ITK: variants seen among roughly 807,000 people sequenced by gnomAD.
ITK encodes the protein IL2 inducible T cell kinase, also known as tyrosine-protein kinase ITK/TSK.
A neutral mutation model predicts 87.6 loss-of-function variants in ITK; 45 were observed. The observed-to-expected ratio is 0.51, with a 90% CI of 0.40 to 0.66. The LOEUF is 0.66. Ranked by LOEUF, ITK falls within the 30% of genes least tolerant of loss-of-function variation. The pLI, the probability that ITK is intolerant of heterozygous loss-of-function variation, is 0.00. For missense variants in ITK, 605 were observed against 766.3 expected (o/e 0.79, Z 2.48); for synonymous variants, 303 against 273.6 (o/e 1.11, Z -1.06).
chr5:157,246,104 T>C lies in ITK; in HGVS notation c.1633+105T>C, dbSNP rs575819303. 1.1e-3 allele frequency: 927 copies of C among 837,998 alleles called. 1 individual carries two copies. The highest frequency in any genetic ancestry group is 1.8e-3 in the Non-Finnish European group (844 of 476,460). 51.9% of individuals were successfully genotyped at this position (837,998 alleles called of 1,614,324 possible). ...TACCCACACTGAACCCTGTATCATA[T>C]CATGAGGGTGTCCCACTGGAGGGTT... On this transcript the variant is annotated intron_variant, in intron 15 of 16. Transcript: ENST00000422843.
At chr5:157,210,506 G>C (rs1196941311) in intron 2 of ITK, among the ~76,000 whole-genome samples, 1 of 150,316 alleles carries the variant, frequency 6.7e-6, no homozygotes, top group Non-Finnish European at 1.5e-5. Context: ...TTAGTTAACA[G>C]TATTGTACCA....
At chr5:157,183,939 T>C (rs1753591767) in intron 1 of ITK, among the ~76,000 whole-genome samples, 1 of 152,222 alleles carries the variant, frequency 6.6e-6, no homozygotes, top group African/African-American at 2.4e-5. Flanking sequence ...ATTGTCATTA[T>C]AATACTAATT....
intron 1 of ITK, among the ~76,000 whole-genome samples, chr5:157,186,682 A>AG (rs1753649703): frequency 6.7e-5 from 10 of 148,550 alleles, no homozygotes; most frequent in Admixed American, 1.3e-4. Context: ...GTCTCAAAAA[A>AG]AGAGAGAGAG....
chr5:157,213,184 G>A (rs80178781), intron 3 of ITK, among the ~76,000 whole-genome samples: 1 of 152,160 alleles, frequency 6.6e-6, no homozygotes, highest in Admixed American at 6.5e-5. Flanking sequence ...TTCACAAGGT[G>A]GCAGGACAGA....
intron 1 of ITK, among the ~76,000 whole-genome samples, chr5:157,191,271 G>A (rs1019411509): frequency 1.3e-4 from 19 of 151,954 alleles, no homozygotes; most frequent in African/African-American, 4.4e-4. Context: ...CTTCTTCCTG[G>A]GGGTACTTTG....
intron 11 of ITK, 24 bp from the exon 12 acceptor site, chr5:157,243,599 G>C: frequency 6.2e-7 from 1 of 1,601,530 alleles, no homozygotes. Flanking sequence ...GCTGACCCCA[G>C]AGAACTCTCT....
In ITK at chr5:157,209,575, A is replaced by G. The variant is rs112802288; in HGVS notation, c.243+582A>G. On this transcript the variant is annotated intron_variant, in intron 2 of 16. Transcript: ENST00000422843. Reference sequence around the variant, plus strand: ...CTTCTCTTCCTCAAGGAAAGTCCTAATTAGTGAAGGAAGAAATAAAGCTGC... The same window carrying G: ...CTTCTCTTCCTCAAGGAAAGTCCTAGTTAGTGAAGGAAGAAATAAAGCTGC... Among the ~76,000 whole-genome samples the G allele has an allele frequency of 8.8e-3, 1,343 of 152,290 alleles. 15 individuals carry two copies. Among genetic ancestry groups the G allele is most frequent in the African/African-American group, 0.03 (1,237 of 41,554 alleles).
rs534544971 is a variant in ITK at position 157,242,093 on chromosome 5, G to A, written c.1060+373G>A. ...ACTTTTATATCATCTAGTTGGTTGA[G>A]TAGCAGACTATTGCCAGAACTGCAA... On this transcript the variant is annotated intron_variant, in intron 11 of 16. Transcript: ENST00000422843. Among the ~76,000 whole-genome samples, 8 of 152,324 alleles carry A rather than the reference G, an allele frequency of 5.3e-5. 1 individual carries two copies. In the East Asian group the frequency reaches 1.4e-3, roughly 26 times the overall value.
At chr5:157,181,967 T>C (rs966334676) in intron 1 of ITK, among the ~76,000 whole-genome samples, 3 of 152,194 alleles carry the variant, frequency 2.0e-5, no homozygotes, top group African/African-American at 7.2e-5. Context: ...GGTGATCCAG[T>C]CTGGGCAAAT....
chr5:157,249,137 G>A lies in ITK; in HGVS notation c.1791+130G>A, dbSNP rs1035472188. 8 of 800,586 alleles carry A rather than the reference G, an allele frequency of 1.0e-5. No individual in the cohort carries two copies. The Admixed American group carries it at 1.6e-4, about 16-fold the overall frequency. 49.6% of individuals were successfully genotyped at this position (800,586 alleles called of 1,614,324 possible). A position where few individuals can be genotyped will look rare whatever the true frequency, so the allele number is the denominator to read the frequency against. On this transcript the variant is annotated intron_variant, in intron 16 of 16. Transcript: ENST00000422843. ...AACTAATATAGATTAGCAACAACAT[G>A]ACTTTGAGGATCTGTTAACGGGATA...
At chr5:157,212,852 A>G (rs1754218100) in intron 3 of ITK, among the ~76,000 whole-genome samples, 1 of 151,652 alleles carries the variant, frequency 6.6e-6, no homozygotes, top group South Asian at 2.1e-4. Flanking sequence ...ACCCCACCAA[A>G]AAAAAAAGAA....
Position 157,239,704 on chromosome 5 carries a change from T to A in ITK, c.852-358T>A, listed in dbSNP as rs151190757. On this transcript the variant is annotated intron_variant, in intron 9 of 16. Transcript: ENST00000422843. Reference sequence around the variant, plus strand: ...TTTGACTTATGAAGTCAAATAAGGGTGAAGGGGTCAGAGAGGCTTTCTCAA... The same window carrying A: ...TTTGACTTATGAAGTCAAATAAGGGAGAAGGGGTCAGAGAGGCTTTCTCAA... 2.2e-3 allele frequency among the ~76,000 whole-genome samples: 333 copies of A among 152,208 alleles called. 4 individuals carry two copies. The highest frequency in any genetic ancestry group is 7.5e-3 in the African/African-American group (311 of 41,538).
Position 157,248,951 on chromosome 5 carries a change from A to G in ITK, c.1735A>G (p.Lys579Glu). 2 of 1,613,972 alleles carry G rather than the reference A, an allele frequency of 1.2e-6. No individual in the cohort carries two copies. Among genetic ancestry groups the G allele is most frequent in the Non-Finnish European group, 1.7e-6 (2 of 1,179,842 alleles). Residue 579 changes from lysine (K) to glutamate (E), a missense_variant, in exon 16 of 17, where the codon AAG becomes GAG. Around this residue, in one of 3 missense-constraint regions of ITK, gnomAD observed 71 missense variants for 65.8 expected, o/e 1.08. Coordinates refer to ENST00000422843, the MANE Select transcript of ITK (RefSeq NM_005546.4). The part of the protein sequence containing the change: ...EDISTGFRLY[K>E]PRLASTHVYQ... ...CATCAGTACCGGATTTCGGTTGTAC[A>G]AGCCCCGGCTGGCCTCCACACACGT...
chr5:157,201,062 C>T (rs1753960325), intron 1 of ITK, among the ~76,000 whole-genome samples: 1 of 146,784 alleles, frequency 6.8e-6, no homozygotes, highest in South Asian at 2.2e-4. Flanking sequence ...ATCCTAAAGT[C>T]AATTAAGATA....
chr5:157,201,591 C>G (rs1753975880), intron 1 of ITK, among the ~76,000 whole-genome samples: 1 of 152,088 alleles, frequency 6.6e-6, no homozygotes, highest in South Asian at 2.1e-4. Flanking sequence ...GCCACTGTGC[C>G]TGGCCAATTT....
At position 157,241,632 on chromosome 5, in the gene ITK, T is replaced by C. The variant is rs1754909350; in HGVS notation, c.986-14T>C. ...AGCCCTAACCACTGCTTCTTGGCTTTTCAATCAACCCAGGCCTGGTGACTC... is the reference window on the plus strand; with the variant it reads ...AGCCCTAACCACTGCTTCTTGGCTTCTCAATCAACCCAGGCCTGGTGACTC... On this transcript the variant is annotated splice_polypyrimidine_tract_variant and intron_variant, in intron 10 of 16. Coordinates refer to ENST00000422843, the MANE Select transcript of ITK (RefSeq NM_005546.4). 1.2e-6 allele frequency: 2 copies of C among 1,610,716 alleles called. No homozygotes were observed. The highest frequency in any genetic ancestry group is 2.7e-5 in the African/African-American group (2 of 74,856).
At chr5:157,243,527 G>A (rs904190346) in intron 11 of ITK, 96 bp from the exon 12 acceptor site, 3 of 975,068 alleles carry the variant, frequency 3.1e-6, no homozygotes, top group Non-Finnish European at 5.0e-6. Flanking sequence ...TTAACAATAG[G>A]CTAAAATTCT....
In ITK at chr5:157,243,660, G is replaced by A; in HGVS notation, c.1098G>A (p.Val366=). ...TCGACCCCTCAGAGCTCACTTTTGT[G>A]CAAGAGATTGGCAGTGGGCAATTTG... ...WVIDPSELTF[V]QEIGSGQFGL... The change falls in exon 12 of 17, where the codon GTG becomes GTA. Residue 366 remains valine, a synonymous_variant. Transcript: ENST00000422843. 1 of 1,613,400 alleles carries A rather than the reference G, an allele frequency of 6.2e-7. No homozygotes were observed. The highest frequency in any genetic ancestry group is 1.7e-5 in the Admixed American group (1 of 60,000).
At chr5:157,215,059 C>G (rs571285663) in intron 4 of ITK, among the ~76,000 whole-genome samples, 2 of 152,170 alleles carry the variant, frequency 1.3e-5, no homozygotes, top group Non-Finnish European at 2.9e-5. Context: ...CAACTCCACT[C>G]GAATGCATTT....
Sources: allele counts gnomAD v4.1 joint callset (sites outside exome capture counted in the v4.1 genomes callset), GRCh38; gene constraint gnomAD v4.1.1; regional missense constraint gnomAD v4.1.1; transcripts MANE v1.5; gene names NCBI Gene and HGNC (gene_info 2026-07-23, HGNC 2026-07-21).